The following CHD7 variants were observed in gnomAD, a reference collection of about 807,000 sequenced individuals.
CHD7 encodes the protein ATP-dependent chromatin remodeler CHD7.
CHD7 carries 24 observed loss-of-function variants against 307.3 expected under a neutral mutation model. The observed-to-expected ratio is 0.08, with a 90% confidence interval of 0.06 to 0.11. CHD7 has a LOEUF of 0.11. CHD7 is among the 10% of genes least tolerant of loss of function. The pLI is 1.00. For missense variants in CHD7, 3,106 were observed against 3,727.1 expected, an observed-to-expected ratio of 0.83 and a Z score of 4.34; for synonymous variants, 1,363 against 1,349.9, an observed-to-expected ratio of 1.01 and a Z score of -0.21.
intron 1 of CHD7, among the ~76,000 whole-genome samples, chr8:60,722,766 A>G (rs528367865): frequency 6.6e-6 from 1 of 152,342 alleles, no homozygotes; most frequent in African/African-American, 2.4e-5. Context: ...TTCTGCATTC[A>G]GTCTGTTACA....
intron 34 of CHD7, among the ~76,000 whole-genome samples, chr8:60,858,532 A>G (rs991885573): frequency 3.9e-5 from 6 of 152,190 alleles, no homozygotes; most frequent in African/African-American, 1.4e-4. Flanking sequence ...AAACTTTAAC[A>G]AATTGGGAAG....
chr8:60,738,913 C>T (rs1380477430), intron 1 of CHD7, among the ~76,000 whole-genome samples: 1 of 152,168 alleles, frequency 6.6e-6, no homozygotes, highest in Non-Finnish European at 1.5e-5. Flanking sequence ...GGAAGAGGAG[C>T]ACAGCCAAGG....
rs1268910173 is a variant in CHD7 at position 60,749,883 on chromosome 8, T to TA, written c.1665+6789dup. ...GCCTGTGGTTTCTCACGAAGACTCT[T>TA]AAAGTATTTCTTTTGACTACTTCAA... On this transcript the variant is annotated intron_variant, in intron 2 of 37. Transcript: ENST00000423902. Among the ~76,000 whole-genome samples, 9 of 152,392 alleles carry TA rather than the reference T, an allele frequency of 5.9e-5. No individual in the cohort carries two copies. In the East Asian group the frequency reaches 1.5e-3, roughly 26 times the overall value.
rs79936330 is a variant in CHD7, at chr8:60,737,143, G to T, written c.-174-4116G>T. On this transcript the variant is annotated intron_variant, in intron 1 of 37. Coordinates refer to ENST00000423902, the MANE Select transcript of CHD7 (RefSeq NM_017780.4). The stretch of plus-strand genomic sequence containing the variant: ...TTATCATTGATTCTGTCTGTGCTTG[G>T]ATCTGCCCGTTTTTCATTTGACTAT... 1.7e-3 allele frequency among the ~76,000 whole-genome samples: 251 copies of T among 152,028 alleles called. 4 individuals carry two copies. The East Asian group carries it at 0.027, about 17-fold the overall frequency.
At chr8:60,682,678 A>G (rs914723042) in intron 1 of CHD7, among the ~76,000 whole-genome samples, 11 of 152,244 alleles carry the variant, frequency 7.2e-5, no homozygotes, top group Admixed American at 5.2e-4. Context: ...CATCTAATAG[A>G]GAGCAGTTCT....
At chr8:60,805,743 A>T (rs1196871634) in intron 6 of CHD7, among the ~76,000 whole-genome samples, 6 of 152,206 alleles carry the variant, frequency 3.9e-5, no homozygotes, top group African/African-American at 1.4e-4. Flanking sequence ...ATGGGAGAAA[A>T]GATCAGACAG....
At chr8:60,716,267 C>G (rs1391046822) in intron 1 of CHD7, among the ~76,000 whole-genome samples, 3 of 152,220 alleles carry the variant, frequency 2.0e-5, no homozygotes, top group Non-Finnish European at 4.4e-5. Flanking sequence ...TGTTAGCAGT[C>G]AAAGTCATCT....
chr8:60,682,096 T>G (rs1209849511), intron 1 of CHD7, among the ~76,000 whole-genome samples: 2 of 152,212 alleles, frequency 1.3e-5, no homozygotes, highest in South Asian at 4.1e-4. Flanking sequence ...AGGAAAGAAA[T>G]AACTTTTTTT....
At position 60,824,380 on chromosome 8, in the gene CHD7, G is replaced by A. The variant is rs1804177173; in HGVS notation, c.3378+364G>A. On this transcript the variant is annotated intron_variant, in intron 13 of 37. Coordinates refer to ENST00000423902, the MANE Select transcript of CHD7 (RefSeq NM_017780.4). Reference sequence around the variant, plus strand: ...TAATGCTAAAAGGAAATGCTCATTGGAGCATTTTGGATTTTGGATTTTCTC... The same window carrying A: ...TAATGCTAAAAGGAAATGCTCATTGAAGCATTTTGGATTTTGGATTTTCTC... 1.6e-5 allele frequency: 5 copies of A among 311,072 alleles called. No homozygotes were observed. The East Asian group carries it at 2.1e-4, about 13-fold the overall frequency. 19.3% of individuals were successfully genotyped at this position (311,072 alleles called of 1,614,324 possible).
chr8:60,684,853 A>G (rs532748284), intron 1 of CHD7, among the ~76,000 whole-genome samples: 43 of 152,344 alleles, frequency 2.8e-4, no homozygotes, highest in African/African-American at 9.6e-4. Context: ...GTTGTAGACA[A>G]TATCCTGCCT....
intron 1 of CHD7, among the ~76,000 whole-genome samples, chr8:60,728,389 T>C (rs1808274264): frequency 1.4e-5 from 2 of 148,068 alleles, no homozygotes; most frequent in South Asian, 4.6e-4. Context: ...TATACAATCA[T>C]TGACTCTTCC....
At chr8:60,846,724 A>G (rs1315333307) in intron 23 of CHD7, among the ~76,000 whole-genome samples, 6 of 152,272 alleles carry the variant, frequency 3.9e-5, no homozygotes, top group Admixed American at 6.5e-5. Flanking sequence ...AGCGCTTTGT[A>G]TGGATTATCT....
At chr8:60,775,668 C>T (rs1474960129) in intron 2 of CHD7, among the ~76,000 whole-genome samples, 1 of 152,234 alleles carries the variant, frequency 6.6e-6, no homozygotes, top group Non-Finnish European at 1.5e-5. Context: ...ACCCTTAGGA[C>T]ACTCTCTGTA....
intron 1 of CHD7, among the ~76,000 whole-genome samples, chr8:60,733,645 C>T (rs60296501): frequency 0.084 from 12,856 of 152,252 alleles, 823 homozygotes; most frequent in East Asian, 0.27. Flanking sequence ...GTAATATACT[C>T]CTTTTGACCA....
intron 3 of CHD7, among the ~76,000 whole-genome samples, chr8:60,792,979 G>A (rs1266389776): frequency 6.6e-6 from 1 of 152,252 alleles, no homozygotes; most frequent in South Asian, 2.1e-4. Context: ...ATGTTTGAAA[G>A]CTGATTGAGG....
At chr8:60,765,719 C>T (rs1810441944) in intron 2 of CHD7, among the ~76,000 whole-genome samples, 1 of 152,192 alleles carries the variant, frequency 6.6e-6, no homozygotes. Flanking sequence ...GGGGCAGCCC[C>T]GCACCAGTGG....
At chr8:60,758,443 C>T (rs1054209749) in intron 2 of CHD7, among the ~76,000 whole-genome samples, 26 of 152,138 alleles carry the variant, frequency 1.7e-4, no homozygotes, top group African/African-American at 5.8e-4. Context: ...TTTTAAAAAT[C>T]ACATTTGTTG....
chr8:60,744,576 GGCACAA>G (rs994409152), intron 2 of CHD7, among the ~76,000 whole-genome samples: 1 of 147,660 alleles, frequency 6.8e-6, no homozygotes, highest in African/African-American at 2.5e-5. Context: ...TTTTAGGCCA[GGCACAA>G]TGGCTCATGC....
intron 4 of CHD7, among the ~76,000 whole-genome samples, chr8:60,798,103 C>T (rs1812116647): frequency 6.6e-6 from 1 of 152,204 alleles, no homozygotes; most frequent in South Asian, 2.1e-4. Flanking sequence ...TGATAAGAGT[C>T]GGGGCAAGTT....
Sources: allele counts gnomAD v4.1 joint callset (sites outside exome capture counted in the v4.1 genomes callset), GRCh38; gene constraint gnomAD v4.1.1; transcripts MANE v1.5; gene names NCBI Gene and HGNC (gene_info 2026-07-23, HGNC 2026-07-21).